The following AGBL1 variants were observed in gnomAD, a reference collection of about 807,000 sequenced individuals.
AGBL1 encodes AGBL carboxypeptidase 1.
AGBL1 carries 130 observed loss-of-function variants against 118.9 expected under a neutral mutation model. The observed-to-expected ratio is 1.09, with a 90% CI of 0.95 to 1.26. AGBL1 has a LOEUF of 1.26. Ranked by LOEUF, AGBL1 falls within the 50% of genes most tolerant of loss-of-function variation. The probability of loss-of-function intolerance (pLI) is 0.00; values close to 1 mark genes in which losing one functional copy is unlikely to be tolerated. For missense variants in AGBL1, 1,584 were observed against 1,298.1 expected, an observed-to-expected ratio of 1.22 and a Z score of -3.38; for synonymous variants, 555 against 478.9, an observed-to-expected ratio of 1.16 and a Z score of -2.08.
chr15:86,747,545 T>C lies in AGBL1; in HGVS notation c.3158+73109T>C, dbSNP rs887131348. On this transcript the variant is annotated intron_variant, in intron 22 of 22. Transcript: ENST00000614907. ...GCACAACGTGCAGGTTTGTTACATA[T>C]GTATACATGTGCCATGTTGGTGTGC... Among the ~76,000 whole-genome samples the C allele has an allele frequency of 2.0e-5, 3 of 152,196 alleles. No individual in the cohort carries two copies. The South Asian group carries it at 6.2e-4, about 31-fold the overall frequency.
intron 23 of AGBL1, among the ~76,000 whole-genome samples, chr15:86,982,826 T>C (rs556005454): frequency 8.9e-4 from 136 of 152,330 alleles, no homozygotes; most frequent in African/African-American, 3.2e-3. Context: ...AAGTAGGCTA[T>C]GAGTAGTTAA....
chr15:86,196,879 G>GCGCGCA (rs756313941), intron 5 of AGBL1, among the ~76,000 whole-genome samples: 339 of 117,006 alleles, frequency 2.9e-3, no homozygotes, highest in African/African-American at 7.2e-3. Flanking sequence ...GCGCGCGCGC[G>GCGCGCA]CACACACACA....
intron 5 of AGBL1, among the ~76,000 whole-genome samples, chr15:86,199,865 G>T (rs927203912): frequency 2.6e-5 from 4 of 152,102 alleles, no homozygotes; most frequent in African/African-American, 9.7e-5. Context: ...GTGACAAAAA[G>T]TCACCTTAGT....
intron 3 of AGBL1, among the ~76,000 whole-genome samples, chr15:86,153,514 TG>T (rs2077145239): frequency 9.9e-6 from 1 of 101,178 alleles, no homozygotes; most frequent in Admixed American, 1.1e-4. Context: ...TGTCGTGGGG[TG>T]GGGGGCAGGG....
At chr15:87,011,121 C>T (rs1457756086) in intron 24 of AGBL1, among the ~76,000 whole-genome samples, 1 of 152,230 alleles carries the variant, frequency 6.6e-6, no homozygotes, top group African/African-American at 2.4e-5. Flanking sequence ...TGATTTGTCA[C>T]TTGCAGTTCA....
chr15:86,443,410 G>A (rs558685791), intron 18 of AGBL1, among the ~76,000 whole-genome samples: 1 of 152,116 alleles, frequency 6.6e-6, no homozygotes, highest in Non-Finnish European at 1.5e-5. Flanking sequence ...TGAAATCAGG[G>A]TATTAGCATA....
intron 22 of AGBL1, among the ~76,000 whole-genome samples, chr15:86,702,771 C>T (rs2086382171): frequency 6.6e-6 from 1 of 152,116 alleles, no homozygotes; most frequent in Non-Finnish European, 1.5e-5. Context: ...ATATAGTTCA[C>T]TTGCTTGTCT....
chr15:86,225,002 G>A, intron 6 of AGBL1, 51 bp downstream of exon 6: 1 of 1,541,514 alleles, frequency 6.5e-7, no homozygotes. Context: ...TGGGTTTAAT[G>A]AAAGATACTT....
chr15:86,764,648 G>A (rs1284273197), intron 22 of AGBL1, among the ~76,000 whole-genome samples: 1 of 152,006 alleles, frequency 6.6e-6, no homozygotes, highest in African/African-American at 2.4e-5. Context: ...TAATAATAGT[G>A]TTATAGATTT....
At chr15:87,019,490 A>T (rs1383146254) in intron 24 of AGBL1, among the ~76,000 whole-genome samples, 1 of 152,100 alleles carries the variant, frequency 6.6e-6, no homozygotes, top group East Asian at 1.9e-4. Context: ...ATATAACTAC[A>T]TGGAAATTGA....
intron 22 of AGBL1, among the ~76,000 whole-genome samples, chr15:86,804,306 G>T (rs760686128): frequency 6.6e-6 from 1 of 152,100 alleles, no homozygotes; most frequent in Non-Finnish European, 1.5e-5. Context: ...ATTAGAAAAG[G>T]CTTCAGGTGA....
intron 17 of AGBL1, among the ~76,000 whole-genome samples, chr15:86,323,575 A>G (rs944534364): frequency 2.6e-5 from 4 of 152,240 alleles, no homozygotes; most frequent in African/African-American, 9.6e-5. Context: ...ACTAGAGACA[A>G]GGGCATTGAA....
At chr15:86,937,225 A>G (rs940988954) in intron 23 of AGBL1, among the ~76,000 whole-genome samples, 2 of 152,228 alleles carry the variant, frequency 1.3e-5, no homozygotes, top group African/African-American at 4.8e-5. Context: ...TAGTTCAACA[A>G]TTGTGGAAAG....
At chr15:86,112,762 T>C (rs79780765) in intron 1 of AGBL1, among the ~76,000 whole-genome samples, 3,732 of 152,348 alleles carry the variant, frequency 0.024, 172 homozygotes, top group African/African-American at 0.084. Context: ...GCTGGATTTT[T>C]ATCAGGCTTT....
chr15:86,838,229 A>G (rs1289395430), intron 22 of AGBL1, among the ~76,000 whole-genome samples: 3 of 152,158 alleles, frequency 2.0e-5, no homozygotes, highest in African/African-American at 4.8e-5. Context: ...AAGATTTTAC[A>G]TTCTATTCCT....
intron 22 of AGBL1, among the ~76,000 whole-genome samples, chr15:86,781,196 A>T (rs939565354): frequency 6.6e-6 from 1 of 152,006 alleles, no homozygotes; most frequent in Admixed American, 6.6e-5. Context: ...TGTTTAGCCC[A>T]TGTATGTTAC....
chr15:86,532,136 G>A (rs867721696), intron 19 of AGBL1, among the ~76,000 whole-genome samples: 1,860 of 148,006 alleles, frequency 0.013, 14 homozygotes, highest in Middle Eastern at 0.055. Context: ...AAGGAAATAA[G>A]GGGTATTCAA....
chr15:86,977,102 A>G (rs570133043), intron 23 of AGBL1, among the ~76,000 whole-genome samples: 1 of 152,092 alleles, frequency 6.6e-6, no homozygotes, highest in South Asian at 2.1e-4. Context: ...TGTGTTTTAC[A>G]TCTTATATAA....
At chr15:86,636,288 A>T (rs1367737933) in intron 21 of AGBL1, among the ~76,000 whole-genome samples, 1 of 152,120 alleles carries the variant, frequency 6.6e-6, no homozygotes, top group Non-Finnish European at 1.5e-5. Context: ...TTAGTTTCTT[A>T]ATAAATATAT....
Sources: allele counts gnomAD v4.1 joint callset (sites outside exome capture counted in the v4.1 genomes callset), GRCh38; gene constraint gnomAD v4.1.1; transcripts MANE v1.5; gene names NCBI Gene and HGNC (gene_info 2026-07-23, HGNC 2026-07-21).